The following ST8SIA2 variants were observed in gnomAD, a reference collection of about 807,000 sequenced individuals.
ST8SIA2 encodes the protein ST8 alpha-N-acetyl-neuraminide alpha-2,8-sialyltransferase 2.
A neutral mutation model predicts 37.6 loss-of-function variants in ST8SIA2; 22 were observed. That is an observed-to-expected ratio of 0.58 (90% CI 0.42 to 0.83). The LOEUF (loss-of-function observed/expected upper bound fraction) is 0.83, where lower values mean the gene tolerates loss of function less well. Among genes scored for constraint, ST8SIA2 ranks in the 40% least tolerant of loss-of-function variants. ST8SIA2 has a pLI of 0.00. For synonymous variants in ST8SIA2, 205 were observed against 201.2 expected (o/e 1.02, Z -0.16); for missense variants, 382 against 484.7 (o/e 0.79, Z 1.99).
intron 1 of ST8SIA2, chr15:92,417,532 G>GCA (rs2049596612): frequency 6.6e-6 from 1 of 152,208 alleles, no homozygotes; most frequent in Non-Finnish European, 1.5e-5. Context: ...TCCCCTCGAG[G>GCA]CAGACTCAAG....
chr15:92,394,299 A>C (rs1363834734), intron 1 of ST8SIA2, 137 bp downstream of exon 1: 3 of 848,226 alleles, frequency 3.5e-6, no homozygotes, highest in Admixed American at 2.1e-5. Flanking sequence ...ACGGTTTGGC[A>C]GAAGGTGGCG....
intron 2 of ST8SIA2, among the ~76,000 whole-genome samples, chr15:92,433,418 C>T (rs891759554): frequency 6.6e-6 from 1 of 152,118 alleles, no homozygotes; most frequent in Admixed American, 6.6e-5. Context: ...AGAATTGTAA[C>T]CTAGTTTATA....
intron 1 of ST8SIA2, among the ~76,000 whole-genome samples, chr15:92,408,006 T>C (rs1011590727): frequency 1.3e-5 from 2 of 152,160 alleles, no homozygotes; most frequent in African/African-American, 4.8e-5. Flanking sequence ...CCGATAGTCA[T>C]TATCTGCCCT....
chr15:92,398,208 C>T (rs372784001), intron 1 of ST8SIA2, among the ~76,000 whole-genome samples: 3 of 152,176 alleles, frequency 2.0e-5, no homozygotes, highest in Non-Finnish European at 2.9e-5. Context: ...GCATAGGGCT[C>T]TCCCTGTAGA....
At chr15:92,426,392 C>A (rs1361566181) in intron 1 of ST8SIA2, among the ~76,000 whole-genome samples, 2 of 152,110 alleles carry the variant, frequency 1.3e-5, no homozygotes, top group Admixed American at 6.5e-5. Flanking sequence ...TTCTGAGAGG[C>A]ACCAGGCAGA....
chr15:92,402,083 C>G (rs1035279818), intron 1 of ST8SIA2, among the ~76,000 whole-genome samples: 2 of 152,096 alleles, frequency 1.3e-5, no homozygotes, highest in Non-Finnish European at 2.9e-5. Flanking sequence ...GAAATTCTCC[C>G]TTGGCTGAAG....
At chr15:92,454,281 C>T (rs943207368) in intron 5 of ST8SIA2, among the ~76,000 whole-genome samples, 5 of 152,064 alleles carry the variant, frequency 3.3e-5, no homozygotes, top group Non-Finnish European at 7.4e-5. Flanking sequence ...CTTCTTGTTC[C>T]CATGGCCTTC....
intron 1 of ST8SIA2, among the ~76,000 whole-genome samples, chr15:92,409,117 A>G (rs1225100579): frequency 2.6e-5 from 4 of 152,214 alleles, no homozygotes; most frequent in African/African-American, 7.2e-5. Flanking sequence ...CCGCAGTTCT[A>G]TATGGGCTCT....
At chr15:92,453,000 G>T (rs550066435) in intron 5 of ST8SIA2, among the ~76,000 whole-genome samples, 1 of 151,956 alleles carries the variant, frequency 6.6e-6, no homozygotes, top group South Asian at 2.1e-4. Flanking sequence ...GTCTCTGCTC[G>T]CACGGTGTAC....
rs1275322686 is a variant in ST8SIA2, at chr15:92,430,095, C to T, written c.145C>T (p.His49Tyr). ...AATCAGATCAGCTGTGAACAGCTTACATAGCAAATCTAATAGGTTTGTAAA... is the reference window on the plus strand; with the variant it reads ...AATCAGATCAGCTGTGAACAGCTTATATAGCAAATCTAATAGGTTTGTAAA... The part of the protein sequence containing the change: ...GTIRSAVNSL[H>Y]SKSNRAEVVI... The change falls in exon 2 of 6, where the codon CAT (histidine) becomes TAT (tyrosine). Residue 49 changes from histidine (H) to tyrosine (Y), a missense_variant. Coordinates refer to ENST00000268164, the MANE Select transcript of ST8SIA2 (RefSeq NM_006011.4). 1.2e-6 allele frequency: 2 copies of T among 1,614,098 alleles called. No individual in the cohort carries two copies. Among genetic ancestry groups the T allele is most frequent in the Non-Finnish European group, 1.7e-6 (2 of 1,180,002 alleles).
At chr15:92,454,402 T>A (rs28685646) in intron 5 of ST8SIA2, among the ~76,000 whole-genome samples, 9,412 of 151,954 alleles carry the variant, frequency 0.062, 757 homozygotes, top group African/African-American at 0.18. Flanking sequence ...GTGAATACCC[T>A]CCCTCCAAAT....
intron 1 of ST8SIA2, among the ~76,000 whole-genome samples, chr15:92,410,410 C>T (rs1056304245): frequency 3.6e-4 from 55 of 152,216 alleles, no homozygotes; most frequent in South Asian, 2.1e-4. Flanking sequence ...GACATTTTCA[C>T]ATCTCAATGG....
At chr15:92,463,256 C>T (rs1472277042) in intron 5 of ST8SIA2, among the ~76,000 whole-genome samples, 1 of 152,192 alleles carries the variant, frequency 6.6e-6, no homozygotes, top group Non-Finnish European at 1.5e-5. Context: ...CCTCTCGTAA[C>T]CCTTTAACAG....
intron 3 of ST8SIA2, among the ~76,000 whole-genome samples, chr15:92,436,728 A>C (rs73547819): frequency 1.3e-5 from 2 of 152,280 alleles, no homozygotes; most frequent in African/African-American, 4.8e-5. Flanking sequence ...GTTTTCCATC[A>C]ACAGATACGA....
intron 3 of ST8SIA2, 25 bp from the exon 4 acceptor site, chr15:92,438,328 C>A (rs374129315): frequency 3.8e-4 from 609 of 1,614,078 alleles, no homozygotes; most frequent in Non-Finnish European, 4.9e-4. Context: ...TGGAGAATTT[C>A]CTCACGCATG....
At position 92,466,599 on chromosome 15, in the gene ST8SIA2, T is replaced by C. The variant is rs1212816198; in HGVS notation, c.*2214T>C. The C allele has an allele frequency of 6.6e-6, 1 of 152,184 alleles. No individual in the cohort carries two copies. Among genetic ancestry groups the C allele is most frequent in the East Asian group, 1.9e-4 (1 of 5,168 alleles). 9.4% of individuals were successfully genotyped at this position (152,184 alleles called of 1,614,324 possible). ...CAGAACTCCTTGGGGGACCAGAACA[T>C]GGTTTTCCTTCTGCCTATCTTAGTC... On this transcript the variant is annotated 3_prime_UTR_variant, in exon 6 of 6. Transcript: ENST00000268164.
chr15:92,445,613 C>T (rs1032918695), intron 5 of ST8SIA2, among the ~76,000 whole-genome samples: 8 of 152,112 alleles, frequency 5.3e-5, no homozygotes, highest in Admixed American at 3.9e-4. Context: ...GGGAACTTTA[C>T]CTAGGCAATA....
In ST8SIA2 at chr15:92,464,154, G is replaced by GTA; in HGVS notation, c.900_901dup (p.Thr301IlefsTer65). On this transcript the variant is annotated frameshift_variant, in exon 6 of 6. Transcript: ENST00000268164. LOFTEE classifies it high-confidence loss of function. ...AAAGACCCACCACCGGCCTCTTGAT[G>GTA]TATACCCTGGCCACACGTTTCTGCA... 6.5e-7 allele frequency: 1 copy of GTA among 1,530,378 alleles called. No individual in the cohort carries two copies. The highest frequency in any genetic ancestry group is 8.8e-7 in the Non-Finnish European group (1 of 1,133,620). The allele number at this position is 1,530,378 out of a possible 1,614,324, so 94.8% of individuals were successfully genotyped here.
chr15:92,449,951 CT>C (rs2049870341), intron 5 of ST8SIA2, among the ~76,000 whole-genome samples: 1 of 152,092 alleles, frequency 6.6e-6, no homozygotes, highest in Non-Finnish European at 1.5e-5. Context: ...TGTAGGTTGT[CT>C]GCATTTTAAG....
Sources: gnomAD v4.1 joint callset for allele counts (sites outside exome capture counted in the v4.1 genomes callset) on GRCh38, gnomAD v4.1.1 for gene constraint, MANE v1.5 for transcripts, NCBI Gene and HGNC (gene_info 2026-07-23, HGNC 2026-07-21) for gene names.